The following PTPRS variants were observed in gnomAD, a reference collection of about 807,000 sequenced individuals.
PTPRS encodes the protein receptor-type tyrosine-protein phosphatase S.
PTPRS carries 63 observed loss-of-function variants against 215.3 expected under a neutral mutation model. The observed-to-expected ratio is 0.29, with a 90% CI of 0.24 to 0.36. The LOEUF (loss-of-function observed/expected upper bound fraction) is 0.36. PTPRS is among the 10% of genes least tolerant of loss of function. The pLI, the probability that PTPRS is intolerant of heterozygous loss-of-function variation, is 1.00. For missense variants in PTPRS, 2,258 were observed against 2,825.8 expected, an observed-to-expected ratio of 0.80 and a Z score of 4.56; for synonymous variants, 1,404 against 1,191.4, an observed-to-expected ratio of 1.18 and a Z score of -3.68.
chr19:5,292,143 G>A (rs2048871621), intron 1 of PTPRS, among the ~76,000 whole-genome samples: 1 of 152,138 alleles, frequency 6.6e-6, no homozygotes, highest in East Asian at 1.9e-4. Flanking sequence ...CAACCCCCTG[G>A]ATGGAAGCCC....
intron 1 of PTPRS, among the ~76,000 whole-genome samples, chr19:5,288,184 T>C (rs972728717): frequency 3.3e-5 from 5 of 152,150 alleles, no homozygotes; most frequent in Non-Finnish European, 5.9e-5. Context: ...AGATCAGAGA[T>C]ACCTACAGGT....
intron 1 of PTPRS, among the ~76,000 whole-genome samples, chr19:5,327,051 G>A (rs1448360504): frequency 6.6e-6 from 1 of 152,172 alleles, no homozygotes; most frequent in East Asian, 1.9e-4. Context: ...AGGCTGAGGT[G>A]GTCCAAGGGT....
chr19:5,310,848 G>A (rs1233353638), intron 1 of PTPRS, among the ~76,000 whole-genome samples: 2 of 151,990 alleles, frequency 1.3e-5, no homozygotes, highest in East Asian at 1.9e-4. Flanking sequence ...TGGGACTATA[G>A]GCTTGTACCA....
chr19:5,252,711 T>A (rs1324748206), intron 9 of PTPRS, among the ~76,000 whole-genome samples: 2 of 147,826 alleles, frequency 1.4e-5, no homozygotes, highest in Non-Finnish European at 3.0e-5. Context: ...CTGTCTCTAA[T>A]AAAAATACAA....
intron 13 of PTPRS, among the ~76,000 whole-genome samples, chr19:5,234,666 A>G (rs1425223905): frequency 6.6e-6 from 1 of 152,208 alleles, no homozygotes; most frequent in African/African-American, 2.4e-5. Flanking sequence ...GTCCCTGCAT[A>G]TTAAACCCCT....
At chr19:5,324,474 T>C (rs1191277399) in intron 1 of PTPRS, among the ~76,000 whole-genome samples, 2 of 152,182 alleles carry the variant, frequency 1.3e-5, no homozygotes, top group African/African-American at 2.4e-5. Context: ...TTCACTCTCA[T>C]GTCCCTATTG....
intron 6 of PTPRS, 104 bp downstream of exon 6, chr19:5,262,860 G>GTTAC: frequency 7.7e-7 from 1 of 1,293,736 alleles, no homozygotes; most frequent in Non-Finnish European, 1.1e-6. Context: ...GTGGGTCACA[G>GTTAC]TTACCATCAC....
At chr19:5,254,469 T>C (rs2045400516) in intron 9 of PTPRS, among the ~76,000 whole-genome samples, 1 of 151,696 alleles carries the variant, frequency 6.6e-6, no homozygotes, top group African/African-American at 2.4e-5. Context: ...GGGCGTGCCT[T>C]TTCTTGGGGA....
chr19:5,225,327 A>G (rs1204544369), intron 17 of PTPRS, among the ~76,000 whole-genome samples: 4 of 152,112 alleles, frequency 2.6e-5, no homozygotes, highest in Non-Finnish European at 5.9e-5. Context: ...AGATTATGGG[A>G]TGAGGCAATC....
In PTPRS at chr19:5,207,905, C is replaced by T. The variant is rs1189693837; in HGVS notation, c.5778+17G>A. The T allele has an allele frequency of 1.2e-6, 2 of 1,612,166 alleles. No homozygotes were observed. Among genetic ancestry groups the T allele is most frequent in the South Asian group, 1.1e-5 (1 of 90,994 alleles). On this transcript the variant is annotated intron_variant, in intron 37 of 37. Coordinates refer to ENST00000262963, the MANE Select transcript of PTPRS (RefSeq NM_002850.4). ...GGCGTGAGGCCAGGCTGCCTCCCCT[C>T]CCTGTCCCATCTTTACCTCTGTCTG...
At chr19:5,300,696 A>T (rs1185476246) in intron 1 of PTPRS, among the ~76,000 whole-genome samples, 2 of 147,024 alleles carry the variant, frequency 1.4e-5, no homozygotes, top group Non-Finnish European at 3.0e-5. Context: ...TGAGCCCAAG[A>T]GGCAGAGGTT....
intron 9 of PTPRS, among the ~76,000 whole-genome samples, chr19:5,249,286 G>A (rs2044782814): frequency 6.6e-6 from 1 of 152,200 alleles, no homozygotes; most frequent in Admixed American, 6.5e-5. Context: ...ACTCCAGCCT[G>A]GGTGACAGAG....
chr19:5,239,072 A>G lies in PTPRS; in HGVS notation c.1705-9T>C. 1 of 1,514,052 alleles carries G rather than the reference A, an allele frequency of 6.6e-7. No individual in the cohort carries two copies. Among genetic ancestry groups the G allele is most frequent in the Non-Finnish European group, 8.9e-7 (1 of 1,120,276 alleles). 93.8% of individuals were successfully genotyped at this position (1,514,052 alleles called of 1,614,324 possible). A position where few individuals can be genotyped will look rare whatever the true frequency, so the allele number is the denominator to read the frequency against. On this transcript the variant is annotated splice_polypyrimidine_tract_variant and intron_variant, in intron 12 of 37. Transcript: ENST00000262963. Reference sequence around the variant, plus strand: ...TCGAAGGTCCTTCCCACCTGGGGGCAGGGCAGAGAAGGACAGAGAGGGATG... The same window carrying G: ...TCGAAGGTCCTTCCCACCTGGGGGCGGGGCAGAGAAGGACAGAGAGGGATG...
intron 1 of PTPRS, among the ~76,000 whole-genome samples, chr19:5,320,307 G>A (rs559094706): frequency 2.6e-5 from 4 of 151,784 alleles, no homozygotes; most frequent in African/African-American, 9.6e-5. Context: ...CAGTGGGAGA[G>A]GGGGTACACG....
Position 5,238,937 on chromosome 19 carries a change from G to A in PTPRS, c.1831C>T (p.Gln611Ter). ...CACCTACTGGACTGCAGCGTGCGCT[G>A]CCGCACCACGGGGGTGAAGGCGCCC... ...GLGAFTPVVR[Q>*]RTLQSKPSAP... Residue 611 changes from glutamine to a stop codon, truncating the protein, a stop_gained, in exon 13 of 38, where the codon CAG (glutamine) becomes TAG (stop). Coordinates refer to ENST00000262963, the MANE Select transcript of PTPRS (RefSeq NM_002850.4). LOFTEE classifies it high-confidence loss of function. 1 of 1,609,218 alleles carries A rather than the reference G, an allele frequency of 6.2e-7. No individual in the cohort carries two copies. Among genetic ancestry groups the A allele is most frequent in the Non-Finnish European group, 8.5e-7 (1 of 1,178,004 alleles).
rs147688043 is a variant in PTPRS, at chr19:5,288,077, A to T, written c.-94-1843T>A. Among the ~76,000 whole-genome samples the T allele has an allele frequency of 3.2e-4, 49 of 152,142 alleles. 1 individual carries two copies. The highest frequency in any genetic ancestry group is 1.1e-3 in the African/African-American group (47 of 41,514). On this transcript the variant is annotated intron_variant, in intron 1 of 37. Coordinates refer to ENST00000262963, the MANE Select transcript of PTPRS (RefSeq NM_002850.4). ...AGACAGGCCCAAAATCAGACCACAGACATACACCAAGCCAGAAAAGATACA... is the reference window on the plus strand; with the variant it reads ...AGACAGGCCCAAAATCAGACCACAGTCATACACCAAGCCAGAAAAGATACA...
chr19:5,318,023 T>C (rs1467952051), intron 1 of PTPRS, among the ~76,000 whole-genome samples: 1 of 152,022 alleles, frequency 6.6e-6, no homozygotes, highest in Non-Finnish European at 1.5e-5. Context: ...TACAAAAAAT[T>C]AGCTGGGCAT....
chr19:5,283,190 G>A (rs911932967), intron 2 of PTPRS, among the ~76,000 whole-genome samples: 48 of 141,262 alleles, frequency 3.4e-4, no homozygotes, highest in African/African-American at 7.8e-4. Context: ...CCAGCCCCAC[G>A]GCATCCTGGG....
In PTPRS at chr19:5,220,047, C is replaced by T. The variant is rs1327691289; in HGVS notation, c.3657G>A (p.Thr1219=). The part of the protein sequence containing the change: ...IAARFSVLPP[T]FHPGDQKQYG... The stretch of plus-strand genomic sequence containing the variant: ...ACTGCTTCTGGTCGCCGGGATGGAA[C>T]GTGGGTGGCAGCACAGAGAAGCGAG... The change falls in exon 22 of 38, where the codon ACG becomes ACA. Residue 1219 remains threonine, a synonymous_variant. Transcript: ENST00000262963. 4.3e-6 allele frequency: 7 copies of T among 1,614,050 alleles called. No homozygotes were observed. The highest frequency in any genetic ancestry group is 2.7e-5 in the African/African-American group (2 of 75,052).
Sources: allele counts gnomAD v4.1 joint callset (sites outside exome capture counted in the v4.1 genomes callset), GRCh38; gene constraint gnomAD v4.1.1; transcripts MANE v1.5; gene names NCBI Gene and HGNC (gene_info 2026-07-23, HGNC 2026-07-21).